Variants in RPH3A observed in about 807,000 individuals in gnomAD.
RPH3A encodes rabphilin 3A.
RPH3A carries 48 observed loss-of-function variants against 102.2 expected under a neutral mutation model. That is an observed-to-expected ratio of 0.47 (90% confidence interval 0.37 to 0.60). RPH3A has a LOEUF of 0.60. Ranked by LOEUF, RPH3A falls within the 20% of genes least tolerant of loss-of-function variation. The pLI is 0.00. For missense variants in RPH3A, 781 were observed against 910.1 expected (o/e 0.86, Z 1.83); for synonymous variants, 310 against 324.3 (o/e 0.96, Z 0.47).
At chr12:112,608,024 C>T (rs1368096494) in intron 1 of RPH3A, among the ~76,000 whole-genome samples, 1 of 152,142 alleles carries the variant, frequency 6.6e-6, no homozygotes, top group East Asian at 1.9e-4. Flanking sequence ...CTGTTCCCAA[C>T]ACATGCCCAG....
In RPH3A at chr12:112,796,313, G is replaced by A. The variant is rs116108018; in HGVS notation, c.-19+4050G>A. On this transcript the variant is annotated intron_variant, in intron 2 of 21. Coordinates refer to ENST00000389385, the MANE Select transcript of RPH3A (RefSeq NM_001143854.2). ...GCCGTGTATTTTCTCTAGGAAACCTGAGCCTTCCTTCCCTTCCCTGGGAAA... is the reference window on the plus strand; with the variant it reads ...GCCGTGTATTTTCTCTAGGAAACCTAAGCCTTCCTTCCCTTCCCTGGGAAA... Among the ~76,000 whole-genome samples the A allele has an allele frequency of 5.6e-3, 860 of 152,286 alleles. 4 individuals are homozygous for A. The highest frequency in any genetic ancestry group is 0.02 in the African/African-American group (819 of 41,574).
chr12:112,627,305 T>C (rs867140220), intron 1 of RPH3A, among the ~76,000 whole-genome samples: 1 of 150,294 alleles, frequency 6.7e-6, no homozygotes, highest in Non-Finnish European at 1.5e-5. Flanking sequence ...ACATATACTA[T>C]AGTTTTATGT....
upstream of RPH3A, among the ~76,000 whole-genome samples, chr12:112,789,798 C>A (rs1234851687): frequency 6.6e-6 from 1 of 151,222 alleles, no homozygotes; most frequent in East Asian, 1.9e-4. Flanking sequence ...ATTACTACCA[C>A]CACCACCACC....
chr12:112,712,900 CT>C (rs2040474732), intron 1 of RPH3A, among the ~76,000 whole-genome samples: 1 of 132,912 alleles, frequency 7.5e-6, no homozygotes, highest in South Asian at 2.9e-4. Flanking sequence ...TCTTCTTCTT[CT>C]TCCTCTTCTT....
intron 1 of RPH3A, among the ~76,000 whole-genome samples, chr12:112,750,698 A>G (rs1214585169): frequency 6.6e-6 from 1 of 152,110 alleles, no homozygotes; most frequent in African/African-American, 2.4e-5. Flanking sequence ...CTTTCGTTCC[A>G]TGTCTTTCCT....
chr12:112,790,863 C>T (rs111731066), upstream of RPH3A, among the ~76,000 whole-genome samples: 5 of 152,240 alleles, frequency 3.3e-5, 2 homozygotes, highest in African/African-American at 1.2e-4. Context: ...GCTGTCAATT[C>T]CTTTATCACT....
At chr12:112,670,823 A>G (rs1042463117) in intron 1 of RPH3A, among the ~76,000 whole-genome samples, 5 of 152,224 alleles carry the variant, frequency 3.3e-5, no homozygotes, top group Non-Finnish European at 5.9e-5. Flanking sequence ...TTGGGGTTGC[A>G]CACCATCACT....
intron 1 of RPH3A, among the ~76,000 whole-genome samples, chr12:112,670,247 A>G (rs2040117985): frequency 6.6e-6 from 1 of 152,086 alleles, no homozygotes; most frequent in African/African-American, 2.4e-5. Context: ...CAGTGGTGCA[A>G]TCTCGGCTCA....
chr12:112,878,707 T>C (rs1001717790), intron 13 of RPH3A, among the ~76,000 whole-genome samples: 7 of 152,202 alleles, frequency 4.6e-5, no homozygotes, highest in Non-Finnish European at 8.8e-5. Context: ...GTGCCAACCA[T>C]GTAAGGATCT....
intron 8 of RPH3A, 27 bp downstream of exon 8, chr12:112,868,622 G>T: frequency 6.2e-7 from 1 of 1,605,584 alleles, no homozygotes; most frequent in Non-Finnish European, 8.5e-7. Flanking sequence ...GCTTCTTTCA[G>T]GACCAAGGAC....
intron 1 of RPH3A, among the ~76,000 whole-genome samples, chr12:112,761,699 C>A (rs1441783420): frequency 2.0e-5 from 3 of 152,214 alleles, no homozygotes; most frequent in Non-Finnish European, 2.9e-5. Flanking sequence ...CCTGAGCCCA[C>A]AAGGACACCC....
At chr12:112,785,235 A>AG (rs2041040040) in intron 1 of RPH3A, among the ~76,000 whole-genome samples, 1 of 151,464 alleles carries the variant, frequency 6.6e-6, no homozygotes. Context: ...AAAAAGAAAA[A>AG]AAAAAAAAAG....
chr12:112,610,750 G>C (rs186763438), intron 1 of RPH3A, among the ~76,000 whole-genome samples: 3,105 of 151,998 alleles, frequency 0.02, 46 homozygotes, highest in Non-Finnish European at 0.029. Flanking sequence ...CCCTGCCTCA[G>C]CCTCCCGAGT....
At chr12:112,818,911 A>G (rs940074059) in intron 2 of RPH3A, among the ~76,000 whole-genome samples, 36 of 152,102 alleles carry the variant, frequency 2.4e-4, no homozygotes, top group African/African-American at 8.0e-4. Context: ...TCTGCCCTCA[A>G]ATAACACTAA....
chr12:112,640,888 C>G (rs1592921341), intron 1 of RPH3A, among the ~76,000 whole-genome samples: 1 of 152,238 alleles, frequency 6.6e-6, no homozygotes, highest in Middle Eastern at 3.4e-3. Flanking sequence ...TTTCCCTCCT[C>G]CCCACTCCGC....
intron 1 of RPH3A, among the ~76,000 whole-genome samples, chr12:112,621,036 T>A (rs1411695080): frequency 7.4e-5 from 11 of 149,254 alleles, no homozygotes; most frequent in Non-Finnish European, 1.5e-4. Flanking sequence ...AGAGATAGGG[T>A]CTTGCTATGT....
intron 1 of RPH3A, among the ~76,000 whole-genome samples, chr12:112,759,228 TTG>T (rs3839971): frequency 6.6e-6 from 1 of 151,802 alleles, no homozygotes; most frequent in Non-Finnish European, 1.5e-5. Context: ...TTGTGTGTGT[TTG>T]TGTGTGTGTG....
chr12:112,825,886 G>A (rs61942344), intron 2 of RPH3A, among the ~76,000 whole-genome samples: 4 of 151,978 alleles, frequency 2.6e-5, no homozygotes, highest in Non-Finnish European at 4.4e-5. Flanking sequence ...AGCGGGAGGA[G>A]GAACTATTTT....
chr12:112,590,616 C>T (rs190685274), intron 1 of RPH3A, among the ~76,000 whole-genome samples: 4 of 152,278 alleles, frequency 2.6e-5, no homozygotes, highest in Non-Finnish European at 4.4e-5. Flanking sequence ...AACAGAGCAC[C>T]TTAGGACCGC....
Sources: gnomAD v4.1 joint callset for allele counts (sites outside exome capture counted in the v4.1 genomes callset) on GRCh38, gnomAD v4.1.1 for gene constraint, MANE v1.5 for transcripts, NCBI Gene and HGNC (gene_info 2026-07-23, HGNC 2026-07-21) for gene names.